Variants in MGAT4C observed in about 807,000 individuals in gnomAD.
The protein encoded by MGAT4C is alpha-1,3-mannosyl-glycoprotein 4-beta-N-acetylglucosaminyltransferase C.
In MGAT4C, 19 loss-of-function variants were observed where a neutral mutation model predicts 40.1. The observed-to-expected ratio is 0.47, with a 90% CI of 0.33 to 0.70. The LOEUF is 0.70. Among genes scored for constraint, MGAT4C ranks in the 30% least tolerant of loss-of-function variants. MGAT4C has a pLI of 0.02. For synonymous variants in MGAT4C, 181 were observed against 187.1 expected, an observed-to-expected ratio of 0.97 and a Z score of 0.27; for missense variants, 491 against 563.2, an observed-to-expected ratio of 0.87 and a Z score of 1.30.
At chr12:86,045,482 T>C (rs1250908469) in intron 2 of MGAT4C, among the ~76,000 whole-genome samples, 1 of 152,190 alleles carries the variant, frequency 6.6e-6, no homozygotes, top group Non-Finnish European at 1.5e-5. Context: ...ACAATTTTGA[T>C]ATTTCTCCTC....
intron 1 of MGAT4C, among the ~76,000 whole-genome samples, chr12:86,208,131 CAG>C (rs1420145264): frequency 2.0e-5 from 3 of 152,172 alleles, no homozygotes; most frequent in Non-Finnish European, 2.9e-5. Flanking sequence ...GGCCTAATCA[CAG>C]AGGTCTCTTT....
intron 2 of MGAT4C, among the ~76,000 whole-genome samples, chr12:86,709,943 T>C (rs543057308): frequency 8.5e-5 from 13 of 152,306 alleles, no homozygotes; most frequent in African/African-American, 3.1e-4. Context: ...TTGAGGCCAG[T>C]TACTTTTTTC....
At chr12:86,651,004 C>T (rs1443617293) in intron 2 of MGAT4C, among the ~76,000 whole-genome samples, 2 of 151,830 alleles carry the variant, frequency 1.3e-5, no homozygotes, top group Admixed American at 6.6e-5. Context: ...GGCATAAGAA[C>T]ACTTAAAAAA....
At chr12:86,102,929 T>G (rs1875381830) in intron 1 of MGAT4C, among the ~76,000 whole-genome samples, 1 of 152,166 alleles carries the variant, frequency 6.6e-6, no homozygotes, top group East Asian at 1.9e-4. Context: ...AGCACAAATG[T>G]ATCAGATATT....
chr12:86,345,508 G>C lies in MGAT4C; in HGVS notation c.-119-11381C>G, dbSNP rs149499480. ...TTCTCTTTGTTCAATTCCCACCTATGAGTGAGAACATGCAGTGTTTGGTTT... is the reference window on the plus strand; with the variant it reads ...TTCTCTTTGTTCAATTCCCACCTATCAGTGAGAACATGCAGTGTTTGGTTT... On this transcript the variant is annotated intron_variant, in intron 3 of 7. Transcript: ENST00000548651. Among the ~76,000 whole-genome samples the C allele has an allele frequency of 6.0e-3, 909 of 151,028 alleles. 5 individuals carry two copies. The highest frequency in any genetic ancestry group is 0.021 in the African/African-American group (874 of 41,082).
intron 3 of MGAT4C, among the ~76,000 whole-genome samples, chr12:86,400,842 C>A (rs1024191608): frequency 6.6e-6 from 1 of 152,140 alleles, no homozygotes; most frequent in Non-Finnish European, 1.5e-5. Context: ...AAACTGCATA[C>A]TGCTGCATGA....
At chr12:86,548,669 G>C (rs1444832476) in intron 2 of MGAT4C, among the ~76,000 whole-genome samples, 1 of 152,122 alleles carries the variant, frequency 6.6e-6, no homozygotes, top group East Asian at 1.9e-4. Flanking sequence ...CACTGAGTTT[G>C]TTTCAAATCC....
intron 4 of MGAT4C, among the ~76,000 whole-genome samples, chr12:86,303,379 T>G (rs1190732243): frequency 6.6e-6 from 1 of 150,536 alleles, no homozygotes; most frequent in African/African-American, 2.5e-5. Context: ...ATTAAATCTT[T>G]AAAGGAGACC....
intron 1 of MGAT4C, among the ~76,000 whole-genome samples, chr12:86,217,908 G>A (rs956488289): frequency 6.6e-6 from 1 of 152,060 alleles, no homozygotes; most frequent in East Asian, 1.9e-4. Flanking sequence ...GGTGGGAGAA[G>A]AATCTTGTGA....
intron 1 of MGAT4C, among the ~76,000 whole-genome samples, chr12:86,057,729 A>G (rs1300701664): frequency 6.6e-6 from 1 of 152,174 alleles, no homozygotes; most frequent in African/African-American, 2.4e-5. Context: ...AAATCATAGC[A>G]TGCCATTTTT....
chr12:86,564,180 A>G (rs1314508843), intron 2 of MGAT4C, among the ~76,000 whole-genome samples: 1 of 152,148 alleles, frequency 6.6e-6, no homozygotes, highest in Non-Finnish European at 1.5e-5. Flanking sequence ...ATGACAGTGG[A>G]TTATAGTAAG....
chr12:86,657,094 A>G (rs1963869063), intron 2 of MGAT4C, among the ~76,000 whole-genome samples: 1 of 152,088 alleles, frequency 6.6e-6, no homozygotes, highest in Non-Finnish European at 1.5e-5. Flanking sequence ...GCAGAAAGTT[A>G]GAATTCACTT....
rs1555227782 is a variant in MGAT4C at position 86,774,319 on chromosome 12, C to CTTTCTTTCTTTCTTTCTT, written c.-261-47096_-261-47079dup. 2.3e-4 allele frequency among the ~76,000 whole-genome samples: 22 copies of CTTTCTTTCTTTCTTTCTT among 93,718 alleles called. 1 individual carries two copies. Among genetic ancestry groups the CTTTCTTTCTTTCTTTCTT allele is most frequent in the East Asian group, 3.2e-4 (1 of 3,152 alleles). 61.5% of individuals were successfully genotyped at this position (93,718 alleles called of 152,430 possible). A position where few individuals can be genotyped will look rare whatever the true frequency, so the allele number is the denominator to read the frequency against. On this transcript the variant is annotated intron_variant, in intron 1 of 7. Coordinates refer to the MGAT4C transcript ENST00000548651. ...TCTTTCTTTCTTTCTTTCTTTCTTTCTTTCTTTCTTTCTTTCTTTCTGTCT... is the reference window on the plus strand; with the variant it reads ...TCTTTCTTTCTTTCTTTCTTTCTTTCTTTCTTTCTTTCTTTCTTTTTCTTTCTTTCTTTCTTTCTGTCT...
intron 1 of MGAT4C, among the ~76,000 whole-genome samples, chr12:86,754,429 T>C (rs557608194): frequency 2.6e-5 from 4 of 152,064 alleles, no homozygotes; most frequent in Non-Finnish European, 5.9e-5. Context: ...GGTGTATACA[T>C]ATGGCAAAAC....
At chr12:86,822,748 A>G (rs1272912902) in intron 1 of MGAT4C, among the ~76,000 whole-genome samples, 2 of 151,158 alleles carry the variant, frequency 1.3e-5, no homozygotes, top group African/African-American at 2.4e-5. Context: ...CCGCACACTC[A>G]GGAATGGGTA....
At chr12:86,493,851 T>C (rs943683248) in intron 2 of MGAT4C, among the ~76,000 whole-genome samples, 2 of 152,032 alleles carry the variant, frequency 1.3e-5, no homozygotes, top group Non-Finnish European at 2.9e-5. Context: ...TGGCAGCACC[T>C]GTGCTTATAG....
intron 1 of MGAT4C, among the ~76,000 whole-genome samples, chr12:86,196,402 G>A (rs1949807398): frequency 6.6e-6 from 1 of 152,210 alleles, no homozygotes; most frequent in Non-Finnish European, 1.5e-5. Context: ...TGTGGCCTGG[G>A]CAGCCCTGCC....
intron 1 of MGAT4C, among the ~76,000 whole-genome samples, chr12:86,200,046 T>C (rs533468266): frequency 1.3e-5 from 2 of 151,658 alleles, no homozygotes; most frequent in African/African-American, 4.8e-5. Flanking sequence ...ACTCAAGCCC[T>C]CTATATTTAT....
chr12:86,488,861 A>T (rs1958075203), intron 2 of MGAT4C, among the ~76,000 whole-genome samples: 2 of 152,254 alleles, frequency 1.3e-5, no homozygotes, highest in African/African-American at 4.8e-5. Flanking sequence ...CAGCAAAAAA[A>T]ATGTGGTTAT....
Sources: allele counts gnomAD v4.1 joint callset (sites outside exome capture counted in the v4.1 genomes callset), GRCh38; gene constraint gnomAD v4.1.1; transcripts MANE v1.5; gene names NCBI Gene and HGNC (gene_info 2026-07-23, HGNC 2026-07-21).